SNX29: variants seen among roughly 807,000 people sequenced by gnomAD.
SNX29 encodes sorting nexin 29, also known as sorting nexin-29.
In SNX29, 78 loss-of-function variants were observed where a neutral mutation model predicts 102.1. The observed-to-expected ratio is 0.76, with a 90% confidence interval of 0.64 to 0.92. SNX29 has a LOEUF of 0.92. Ranked by LOEUF, SNX29 falls within the 40% of genes least tolerant of loss-of-function variation. The pLI, the probability that SNX29 is intolerant of heterozygous loss-of-function variation, is 0.00. For missense variants in SNX29, 1,280 were observed against 1,061.7 expected (o/e 1.21, Z -2.86); for synonymous variants, 580 against 414.5 (o/e 1.40, Z -4.85).
chr16:12,362,474 G>A (rs538862520), intron 16 of SNX29, among the ~76,000 whole-genome samples: 6 of 150,030 alleles, frequency 4.0e-5, no homozygotes, highest in Admixed American at 3.3e-4. Flanking sequence ...TTCCAACAAC[G>A]CGTTGGGCAT....
intron 14 of SNX29, among the ~76,000 whole-genome samples, chr16:12,212,868 C>G (rs753896132): frequency 6.6e-6 from 1 of 152,182 alleles, no homozygotes; most frequent in Admixed American, 6.5e-5. Context: ...AATCCCAGCA[C>G]TTTGGGAGGC....
chr16:11,985,997 G>T (rs1303163940), intron 1 of SNX29, among the ~76,000 whole-genome samples: 1 of 151,874 alleles, frequency 6.6e-6, no homozygotes, highest in Non-Finnish European at 1.5e-5. Context: ...TAGAGATGGG[G>T]TTTCACCATG....
intron 3 of SNX29, among the ~76,000 whole-genome samples, chr16:12,005,711 C>A (rs1412395280): frequency 6.6e-6 from 1 of 152,100 alleles, no homozygotes; most frequent in African/African-American, 2.4e-5. Context: ...TCCAAAAACC[C>A]GAAATTCAAA....
At chr16:12,396,415 C>T (rs17819735) in intron 16 of SNX29, among the ~76,000 whole-genome samples, 23,272 of 152,138 alleles carry the variant, frequency 0.15, 1,963 homozygotes, top group Middle Eastern at 0.24. Flanking sequence ...CATCTAAAGG[C>T]GGTGGCGATT....
At chr16:11,979,298 A>AAAAC in intron 1 of SNX29, among the ~76,000 whole-genome samples, 1 of 149,652 alleles carries the variant, frequency 6.7e-6, no homozygotes. Flanking sequence ...AAAAAAAAAA[A>AAAAC]ATCGTTACAT....
intron 15 of SNX29, among the ~76,000 whole-genome samples, chr16:12,286,980 G>A (rs754680283): frequency 2.7e-4 from 41 of 152,308 alleles, no homozygotes; most frequent in Non-Finnish European, 5.1e-4. Context: ...TGATTCTTGG[G>A]TTGGAGTATC....
intron 13 of SNX29, among the ~76,000 whole-genome samples, chr16:12,178,245 C>T (rs1213675447): frequency 1.3e-5 from 2 of 152,098 alleles, no homozygotes; most frequent in Non-Finnish European, 2.9e-5. Context: ...TGATGGGTTC[C>T]TCTGGGCTCC....
chr16:12,397,837 A>G (rs2083774744), intron 16 of SNX29, among the ~76,000 whole-genome samples: 1 of 151,728 alleles, frequency 6.6e-6, no homozygotes, highest in Non-Finnish European at 1.5e-5. Flanking sequence ...GCTTGCCCTC[A>G]CCCCCACCTC....
intron 20 of SNX29, among the ~76,000 whole-genome samples, chr16:12,555,691 G>T (rs7197122): frequency 1.4e-4 from 22 of 152,084 alleles, no homozygotes; most frequent in African/African-American, 5.1e-4. Flanking sequence ...TAAGCCTTCC[G>T]ATACTCTACG....
At chr16:12,114,124 A>G (rs1454179751) in intron 11 of SNX29, among the ~76,000 whole-genome samples, 1 of 152,190 alleles carries the variant, frequency 6.6e-6, no homozygotes, top group African/African-American at 2.4e-5. Context: ...TCCCGTGCCA[A>G]CTCAGTGTAG....
chr16:12,528,204 A>G (rs2076838038), intron 20 of SNX29, among the ~76,000 whole-genome samples: 1 of 151,978 alleles, frequency 6.6e-6, no homozygotes, highest in African/African-American at 2.4e-5. Context: ...CCAGACGTCA[A>G]GCTTCTTTAT....
intron 15 of SNX29, among the ~76,000 whole-genome samples, chr16:12,304,522 T>A (rs1215397329): frequency 3.3e-5 from 5 of 152,250 alleles, no homozygotes; most frequent in African/African-American, 7.2e-5. Flanking sequence ...TTACAGAGGC[T>A]TTGAAATCTT....
intron 15 of SNX29, among the ~76,000 whole-genome samples, chr16:12,312,056 G>A (rs2080573016): frequency 6.6e-6 from 1 of 152,174 alleles, no homozygotes; most frequent in Non-Finnish European, 1.5e-5. Context: ...CTGCTGGGCA[G>A]AGTTTAGCTA....
chr16:12,556,332 G>C (rs1252911727), intron 20 of SNX29: 1 of 152,238 alleles, frequency 6.6e-6, no homozygotes, highest in Non-Finnish European at 1.5e-5. Flanking sequence ...GACCAGGACA[G>C]ACCACTTGGA....
At chr16:12,202,595 C>T (rs1225284799) in intron 14 of SNX29, among the ~76,000 whole-genome samples, 1 of 152,216 alleles carries the variant, frequency 6.6e-6, no homozygotes. Context: ...TTGATTAATT[C>T]TGTTGTTAAT....
At chr16:12,211,613 G>A (rs1326762104) in intron 14 of SNX29, among the ~76,000 whole-genome samples, 2 of 152,110 alleles carry the variant, frequency 1.3e-5, no homozygotes, top group Non-Finnish European at 2.9e-5. Flanking sequence ...GATATTTTAA[G>A]GAATTGACCC....
At chr16:11,980,559 CTG>C (rs1236654341) in intron 1 of SNX29, among the ~76,000 whole-genome samples, 6 of 152,100 alleles carry the variant, frequency 3.9e-5, no homozygotes, top group African/African-American at 1.4e-4. Context: ...CATATGGTAA[CTG>C]TTTAACCATT....
intron 16 of SNX29, among the ~76,000 whole-genome samples, chr16:12,379,828 A>T (rs994109013): frequency 1.3e-5 from 2 of 152,110 alleles, no homozygotes; most frequent in Non-Finnish European, 2.9e-5. Context: ...GATCCCGGTG[A>T]GTGGGGCCTG....
At chr16:11,999,006 G>A (rs888956437) in intron 1 of SNX29, among the ~76,000 whole-genome samples, 1 of 152,224 alleles carries the variant, frequency 6.6e-6, no homozygotes, top group African/African-American at 2.4e-5. Flanking sequence ...CTAATGCCAC[G>A]TAGTGTGTAG....
Sources: gnomAD v4.1 joint callset for allele counts (sites outside exome capture counted in the v4.1 genomes callset) on GRCh38, gnomAD v4.1.1 for gene constraint, MANE v1.5 for transcripts, NCBI Gene and HGNC (gene_info 2026-07-23, HGNC 2026-07-21) for gene names.